Variants in KRT40 observed in about 807,000 individuals in gnomAD.
The protein encoded by KRT40 is keratin 40.
KRT40 carries 47 observed loss-of-function variants against 43.5 expected under a neutral mutation model. The observed-to-expected ratio is 1.08, with a 90% confidence interval of 0.86 to 1.38. The LOEUF (loss-of-function observed/expected upper bound fraction) is 1.38, where lower values mean the gene tolerates loss of function less well. KRT40 is among the 40% of genes most tolerant of loss of function. The pLI, the probability that KRT40 is intolerant of heterozygous loss-of-function variation, is 0.00. For missense variants in KRT40, 573 were observed against 523.6 expected (o/e 1.09, Z -0.92); for synonymous variants, 212 against 214.0 (o/e 0.99, Z 0.08).
At position 40,978,285 on chromosome 17, in the gene KRT40, C is replaced by T; in HGVS notation, c.1208G>A (p.Ser403Asn). 6.2e-7 allele frequency: 1 copy of T among 1,613,760 alleles called. No individual in the cohort carries two copies. Among genetic ancestry groups the T allele is most frequent in the Non-Finnish European group, 8.5e-7 (1 of 1,179,710 alleles). The change falls in exon 7 of 7, where the codon AGC (serine) becomes AAC (asparagine). Residue 403 changes from serine (S) to asparagine (N), a missense_variant. Physicochemically the swap from Ser to Asn is conservative, Grantham distance 46. Transcript: ENST00000377755. ...LDSEDSRLSCSPCSTTCTSSN... is the reference protein window; with the variant it reads ...LDSEDSRLSCNPCSTTCTSSN... ...CGAGGTGCATGTGGTCGAACATGGG[C>T]TACAGGAAAGCCTGGGGAAAAATCG...
upstream of KRT40, among the ~76,000 whole-genome samples, chr17:40,985,462 T>C (rs564317144): frequency 1.1e-4 from 16 of 152,286 alleles, no homozygotes; most frequent in East Asian, 3.1e-3. Flanking sequence ...GAGAAAATTG[T>C]CTCTAGAATT....
Position 40,981,163 on chromosome 17 carries a change from A to T in KRT40, c.688-12T>A, listed in dbSNP as rs771533644. On this transcript the variant is annotated splice_polypyrimidine_tract_variant and intron_variant, in intron 3 of 6. Coordinates refer to ENST00000377755, the MANE Select transcript of KRT40 (RefSeq NM_001389244.1). ...AGCAAGTTGACTTCCTGAAAGTGGG[A>T]TGGTGTAAAGAATGTCACAGAATGG... The T allele has an allele frequency of 1.2e-6, 2 of 1,613,574 alleles. No homozygotes were observed. Among genetic ancestry groups the T allele is most frequent in the South Asian group, 2.2e-5 (2 of 91,042 alleles).
Position 40,981,163 on chromosome 17 carries a change from A to G in KRT40, c.688-12T>C. The G allele has an allele frequency of 1.9e-6, 3 of 1,613,574 alleles. No homozygotes were observed. Among genetic ancestry groups the G allele is most frequent in the Admixed American group, 1.7e-5 (1 of 59,970 alleles). Reference sequence around the variant, plus strand: ...AGCAAGTTGACTTCCTGAAAGTGGGATGGTGTAAAGAATGTCACAGAATGG... The same window carrying G: ...AGCAAGTTGACTTCCTGAAAGTGGGGTGGTGTAAAGAATGTCACAGAATGG... On this transcript the variant is annotated splice_polypyrimidine_tract_variant and intron_variant, in intron 3 of 6. Coordinates refer to ENST00000377755, the MANE Select transcript of KRT40 (RefSeq NM_001389244.1).
Position 40,982,470 on chromosome 17 carries a change from C to CA in KRT40, c.531-8dup. On this transcript the variant is annotated splice_polypyrimidine_tract_variant and splice_region_variant and intron_variant, in intron 2 of 6. Transcript: ENST00000377755. ...GGACAGTTCACTCTCGTACCTTTCACAGCAAAAGAGAAATCCAACGCTTAC... is the reference window on the plus strand; with the variant it reads ...GGACAGTTCACTCTCGTACCTTTCACAAGCAAAAGAGAAATCCAACGCTTAC... 6.5e-7 allele frequency: 1 copy of CA among 1,539,478 alleles called. No individual in the cohort carries two copies. The highest frequency in any genetic ancestry group is 8.7e-7 in the Non-Finnish European group (1 of 1,147,282).
Position 40,983,885 on chromosome 17 carries a change from G to T in KRT40, c.389C>A (p.Pro130Gln). 1 of 1,614,124 alleles carries T rather than the reference G, an allele frequency of 6.2e-7. No homozygotes were observed. The highest frequency in any genetic ancestry group is 8.5e-7 in the Non-Finnish European group (1 of 1,180,022). ...ACGCTGATAATCCGGGCACACCATTGGGATATCCTGTTCACATTGTTCTTG... is the reference window on the plus strand; with the variant it reads ...ACGCTGATAATCCGGGCACACCATTTGGATATCCTGTTCACATTGTTCTTG... ...RIQEQCEQDI[P>Q]MVCPDYQRYF... Residue 130 changes from proline to glutamine, a missense_variant, in exon 1 of 7, where the codon CCA becomes CAA. Transcript: ENST00000377755.
chr17:40,985,715 T>C (rs2143695022), upstream of KRT40, among the ~76,000 whole-genome samples: 1 of 152,294 alleles, frequency 6.6e-6, no homozygotes, highest in African/African-American at 2.4e-5. Flanking sequence ...TCAACACTTA[T>C]GCAAAAAGTT....
At chr17:40,985,897 C>T (rs140414867), upstream of KRT40, among the ~76,000 whole-genome samples, 441 of 152,292 alleles carry the variant, frequency 2.9e-3, 4 homozygotes, top group East Asian at 0.031. Flanking sequence ...GGTTGTCCAT[C>T]ACAGGCTCCA....
Position 40,981,069 on chromosome 17 carries a change from AC to A in KRT40, c.769del (p.Val257SerfsTer31), listed in dbSNP as rs1912120791. Reference sequence around the variant, plus strand: ...ACACTGACAGCGCATCTCATCCAGGACCCTGTTGAGGTCAAGGGTGGGGGCA... The same window carrying A: ...ACACTGACAGCGCATCTCATCCAGGACCTGTTGAGGTCAAGGGTGGGGGCA... ...DTAPTLDLNR[V>X]LDEMRCQCET... On this transcript the variant is annotated frameshift_variant, in exon 4 of 7. Coordinates refer to ENST00000377755, the MANE Select transcript of KRT40 (RefSeq NM_001389244.1). LOFTEE classifies it high-confidence loss of function. 6.2e-7 allele frequency: 1 copy of A among 1,614,182 alleles called. No individual in the cohort carries two copies. Among genetic ancestry groups the A allele is most frequent in the Non-Finnish European group, 8.5e-7 (1 of 1,180,030 alleles).
rs763021117 is a variant in KRT40 at position 40,979,039 on chromosome 17, A to G, written c.976-15T>C. On this transcript the variant is annotated splice_polypyrimidine_tract_variant and intron_variant, in intron 5 of 6. Transcript: ENST00000377755. ...AGAGATTCTGTCTGCGGGAGGAAAC[A>G]TTGTCCAAAGGACCATGAAGTGCAG... The G allele has an allele frequency of 1.3e-5, 21 of 1,606,502 alleles. No homozygotes were observed. Among genetic ancestry groups the G allele is most frequent in the Non-Finnish European group, 1.8e-5 (21 of 1,173,796 alleles).
In KRT40 at chr17:40,978,081, C is replaced by T. The variant is rs1367557069; in HGVS notation, c.*116G>A. 2 of 725,800 alleles carry T rather than the reference C, an allele frequency of 2.8e-6. No individual in the cohort carries two copies. The highest frequency in any genetic ancestry group is 4.8e-6 in the Non-Finnish European group (2 of 415,520). The allele number at this position is 725,800 out of a possible 1,614,324, so 45.0% of individuals were successfully genotyped here. The stretch of plus-strand genomic sequence containing the variant: ...GACTGAGGATACCTGGAGGGCAATT[C>T]CAGGATATGAGAGCCTCCTGGATTT... On this transcript the variant is annotated 3_prime_UTR_variant, in exon 7 of 7. Coordinates refer to ENST00000377755, the MANE Select transcript of KRT40 (RefSeq NM_001389244.1).
chr17:40,982,198 C>T, intron 3 of KRT40, 109 bp downstream of exon 3: 1 of 1,080,510 alleles, frequency 9.3e-7, no homozygotes, highest in Non-Finnish European at 1.3e-6. Flanking sequence ...AGTTTTATTC[C>T]AGCTTAAACA....
At chr17:40,985,446 T>C (rs1021241370), upstream of KRT40, among the ~76,000 whole-genome samples, 2 of 152,116 alleles carry the variant, frequency 1.3e-5, no homozygotes, top group African/African-American at 4.8e-5. Context: ...TTTTCAAAGG[T>C]GCATAGAGAA....
chr17:40,981,042 T>C lies in KRT40; in HGVS notation c.797A>G (p.Glu266Gly), dbSNP rs202129270. Residue 266 changes from glutamate (E) to glycine (G), a missense_variant, in exon 4 of 7, where the codon GAA (glutamate) becomes GGA (glycine). Glu to Gly is a moderately conservative substitution (Grantham distance 98). Transcript: ENST00000377755. Reference protein sequence around the residue: ...RVLDEMRCQCETVLANNRREA... With the variant: ...RVLDEMRCQCGTVLANNRREA... ...TCTGCGATTGTTGGCAAGCACCGTT[T>C]CACACTGACAGCGCATCTCATCCAG... is the stretch of plus-strand genomic sequence containing the variant. The C allele has an allele frequency of 1.2e-6, 2 of 1,614,246 alleles. No homozygotes were observed. Among genetic ancestry groups the C allele is most frequent in the African/African-American group, 2.7e-5 (2 of 75,058 alleles).
rs1423212243 is a variant in KRT40 at position 40,980,866 on chromosome 17, C to T, written c.894G>A (p.Leu298=). The change falls in exon 5 of 7, where the codon CTG becomes CTA. Residue 298 remains leucine, a synonymous_variant. Coordinates refer to ENST00000377755, the MANE Select transcript of KRT40 (RefSeq NM_001389244.1). Reference sequence around the variant, plus strand: ...CCAAGATCTCCATCTGGCAGCCCTGCAGCTGCTCCGCGCTGGACAGTTGCT... The same window carrying T: ...CCAAGATCTCCATCTGGCAGCCCTGTAGCTGCTCCGCGCTGGACAGTTGCT... The part of the protein sequence containing the change: ...NQQQLSSAEQ[L]QGCQMEILEL... The T allele has an allele frequency of 6.2e-7, 1 of 1,613,662 alleles. No individual in the cohort carries two copies. Among genetic ancestry groups the T allele is most frequent in the Non-Finnish European group, 8.5e-7 (1 of 1,179,974 alleles).
Position 40,983,991 on chromosome 17 carries a change from A to G in KRT40, c.283T>C (p.Phe95Leu). ...TAGCTGGCGAGTCTGTCATTCAGGA[A>G]CTGCATCGTCTCCTTCTCATTGCTA... Reference protein sequence around the residue: ...FTSNEKETMQFLNDRLASYLE... With the variant: ...FTSNEKETMQLLNDRLASYLE... Residue 95 changes from phenylalanine to leucine, a missense_variant, in exon 1 of 7, where the codon TTC becomes CTC. Physicochemically the swap from Phe to Leu is conservative, Grantham distance 22 (BLOSUM62 0). Transcript: ENST00000377755. 2 of 1,614,006 alleles carry G rather than the reference A, an allele frequency of 1.2e-6. No individual in the cohort carries two copies. Among genetic ancestry groups the G allele is most frequent in the Non-Finnish European group, 1.7e-6 (2 of 1,179,996 alleles).
rs921077985 is a variant in KRT40 at position 40,981,046 on chromosome 17, A to T, written c.793T>A (p.Cys265Ser). The T allele has an allele frequency of 4.3e-6, 7 of 1,614,242 alleles. No homozygotes were observed. Among genetic ancestry groups the T allele is most frequent in the Non-Finnish European group, 5.9e-6 (7 of 1,180,042 alleles). ...CGATTGTTGGCAAGCACCGTTTCAC[A>T]CTGACAGCGCATCTCATCCAGGACC... is the stretch of plus-strand genomic sequence containing the variant. ...NRVLDEMRCQ[C>S]ETVLANNRRE... Residue 265 changes from cysteine to serine, a missense_variant, in exon 4 of 7, where the codon TGT (cysteine) becomes AGT (serine). Physicochemically the swap from Cys to Ser is moderately radical, Grantham distance 112. Coordinates refer to ENST00000377755, the MANE Select transcript of KRT40 (RefSeq NM_001389244.1).
chr17:40,981,290 C>T, intron 3 of KRT40, 139 bp from the exon 4 acceptor site: 1 of 1,490,134 alleles, frequency 6.7e-7, no homozygotes, highest in Non-Finnish European at 9.1e-7. Flanking sequence ...GGCTGAATCT[C>T]TTTTCACCAC....
chr17:40,985,905 C>A (rs1199280554), upstream of KRT40, among the ~76,000 whole-genome samples: 2 of 152,144 alleles, frequency 1.3e-5, no homozygotes, highest in African/African-American at 4.8e-5. Context: ...ATCACAGGCT[C>A]CAGTTAGCTA....
upstream of KRT40, among the ~76,000 whole-genome samples, chr17:40,985,022 C>T (rs768744020): frequency 3.7e-4 from 57 of 152,172 alleles, no homozygotes; most frequent in Admixed American, 2.3e-3. Flanking sequence ...CCACATTTCT[C>T]ATTGCTTATT....
Sources: gnomAD v4.1 joint callset for allele counts (sites outside exome capture counted in the v4.1 genomes callset) on GRCh38, gnomAD v4.1.1 for gene constraint, MANE v1.5 for transcripts, NCBI Gene and HGNC (gene_info 2026-07-23, HGNC 2026-07-21) for gene names.